Variants in FAM83B observed in about 807,000 individuals in gnomAD.
The protein encoded by FAM83B is scaffolding CK1 anchoring protein B.
Under a neutral mutation model 38.8 loss-of-function variants are expected in FAM83B, and 26 were observed. That is an observed-to-expected ratio of 0.67 (90% CI 0.49 to 0.93). The LOEUF is 0.93. FAM83B is among the 40% of genes least tolerant of loss of function. The probability of loss-of-function intolerance (pLI) is 0.00; values close to 1 mark genes in which losing one functional copy is unlikely to be tolerated. For missense variants in FAM83B, 1,237 were observed against 1,197.3 expected, an observed-to-expected ratio of 1.03 and a Z score of -0.49; for synonymous variants, 419 against 423.1, an observed-to-expected ratio of 0.99 and a Z score of 0.12.
chr6:54,892,711 AT>A (rs1157508852), intron 2 of FAM83B, among the ~76,000 whole-genome samples: 48 of 149,208 alleles, frequency 3.2e-4, no homozygotes, highest in Non-Finnish European at 5.5e-4. Context: ...TATTGTATAT[AT>A]TGTATATATA....
chr6:54,906,097 T>C (rs1772771070), intron 2 of FAM83B, among the ~76,000 whole-genome samples: 1 of 151,574 alleles, frequency 6.6e-6, no homozygotes, highest in Non-Finnish European at 1.5e-5. Context: ...ACATTCTAAA[T>C]GAAGACTCTT....
chr6:54,933,401 G>A (rs1273754517), intron 4 of FAM83B, among the ~76,000 whole-genome samples: 1 of 151,216 alleles, frequency 6.6e-6, no homozygotes, highest in Non-Finnish European at 1.5e-5. Flanking sequence ...TGTTTTTTTT[G>A]TTAGTTTTGT....
At chr6:54,923,215 T>C (rs146369098) in intron 2 of FAM83B, among the ~76,000 whole-genome samples, 61 of 152,204 alleles carry the variant, frequency 4.0e-4, no homozygotes, top group African/African-American at 1.4e-3. Flanking sequence ...ATATATTCAA[T>C]CTTTAACAAT....
chr6:54,902,342 C>G (rs1772677485), intron 2 of FAM83B, among the ~76,000 whole-genome samples: 1 of 152,290 alleles, frequency 6.6e-6, no homozygotes, highest in South Asian at 2.1e-4. Flanking sequence ...CCATGGGCTA[C>G]AGTGCCCAGC....
chr6:54,944,692 A>G lies in FAM83B; in HGVS notation c.*2685A>G, dbSNP rs1773766069. On this transcript the variant is annotated 3_prime_UTR_variant, in exon 5 of 5. Coordinates refer to ENST00000306858, the MANE Select transcript of FAM83B (RefSeq NM_001010872.3). ...CATATTCAAGTATCATTCCACAGAT[A>G]TTCACAGAACACAGAAATATCTGTG... The G allele has an allele frequency of 6.6e-6, 1 of 152,186 alleles. No individual in the cohort carries two copies. The highest frequency in any genetic ancestry group is 2.1e-4 in the South Asian group (1 of 4,832). 9.4% of individuals were successfully genotyped at this position (152,186 alleles called of 1,614,324 possible).
intron 4 of FAM83B, among the ~76,000 whole-genome samples, chr6:54,936,378 T>C (rs2062781): frequency 0.054 from 8,260 of 152,076 alleles, 753 homozygotes; most frequent in African/African-American, 0.19. Flanking sequence ...GTTCTTTCTT[T>C]TTACTACTGG....
chr6:54,863,403 G>A (rs1183132726), intron 1 of FAM83B, among the ~76,000 whole-genome samples: 15 of 152,086 alleles, frequency 9.9e-5, no homozygotes, highest in African/African-American at 3.1e-4. Flanking sequence ...GAAACCCTTC[G>A]GGTCAGTACA....
At chr6:54,873,663 T>C (rs181395749) in intron 2 of FAM83B, among the ~76,000 whole-genome samples, 411 of 151,480 alleles carry the variant, frequency 2.7e-3, no homozygotes, top group Non-Finnish European at 3.6e-3. Context: ...ATAAAGTATT[T>C]GGATAATGTA....
At chr6:54,859,238 T>A (rs1771520393) in intron 1 of FAM83B, among the ~76,000 whole-genome samples, 1 of 152,082 alleles carries the variant, frequency 6.6e-6, no homozygotes, top group African/African-American at 2.4e-5. Context: ...ACTTTTGTAT[T>A]TTTAGTAGAG....
chr6:54,877,591 T>C (rs62412659), intron 2 of FAM83B, among the ~76,000 whole-genome samples: 3,188 of 152,336 alleles, frequency 0.021, 45 homozygotes, highest in Middle Eastern at 0.061. Flanking sequence ...ACATCTGATT[T>C]TGAGTAATGA....
intron 2 of FAM83B, among the ~76,000 whole-genome samples, chr6:54,920,516 A>G (rs893000067): frequency 1.1e-4 from 17 of 151,938 alleles, no homozygotes; most frequent in Non-Finnish European, 2.4e-4. Flanking sequence ...TTAAGTATCT[A>G]GGTCATACAA....
intron 2 of FAM83B, among the ~76,000 whole-genome samples, chr6:54,887,414 T>C (rs1481996870): frequency 6.6e-6 from 1 of 152,204 alleles, no homozygotes; most frequent in Non-Finnish European, 1.5e-5. Flanking sequence ...ACTGGAACTG[T>C]GTATTCCGAG....
chr6:54,855,707 C>T (rs143973969), intron 1 of FAM83B, among the ~76,000 whole-genome samples: 143 of 152,152 alleles, frequency 9.4e-4, no homozygotes, highest in Non-Finnish European at 1.8e-3. Flanking sequence ...TCATTAGATC[C>T]AAAATGTGAT....
chr6:54,846,422 C>G (rs555047061), upstream of FAM83B, among the ~76,000 whole-genome samples: 5 of 152,316 alleles, frequency 3.3e-5, no homozygotes, highest in African/African-American at 4.8e-5. Context: ...TCGCTGTCCT[C>G]CGGGATCGCT....
At chr6:54,926,086 C>A (rs1002442176) in intron 2 of FAM83B, among the ~76,000 whole-genome samples, 1 of 152,128 alleles carries the variant, frequency 6.6e-6, no homozygotes, top group South Asian at 2.1e-4. Context: ...GTCTTGAAAT[C>A]CATGATTTGG....
intron 2 of FAM83B, among the ~76,000 whole-genome samples, chr6:54,906,051 T>C (rs1394841468): frequency 7.6e-6 from 1 of 131,636 alleles, no homozygotes. Flanking sequence ...CACCTACTAT[T>C]CGAAAAAAAA....
At chr6:54,903,839 C>G (rs1772716588) in intron 2 of FAM83B, among the ~76,000 whole-genome samples, 1 of 151,714 alleles carries the variant, frequency 6.6e-6, no homozygotes. Context: ...TCTGTACAGT[C>G]TTACATTTCA....
chr6:54,874,616 GT>G (rs554284110), intron 2 of FAM83B, among the ~76,000 whole-genome samples: 24 of 151,474 alleles, frequency 1.6e-4, no homozygotes, highest in African/African-American at 2.2e-4. Context: ...TTTCATTAAA[GT>G]TTTTTTTTCC....
chr6:54,940,471 CTTAAA>C lies in FAM83B; in HGVS notation c.1502_1506del (p.Leu501Ter), dbSNP rs148485145. On this transcript the variant is annotated frameshift_variant, in exon 5 of 5. Coordinates refer to ENST00000306858, the MANE Select transcript of FAM83B (RefSeq NM_001010872.3). LOFTEE classifies it low-confidence loss of function (END_TRUNC). Reference sequence around the variant, plus strand: ...TACGTAACTGGAGAATTGAATCCTACTTAAATGATCATTCAGAAGCTACACCGGAC... The same window carrying C: ...TACGTAACTGGAGAATTGAATCCTACTGATCATTCAGAAGCTACACCGGAC... 35 of 1,613,950 alleles carry C rather than the reference CTTAAA, an allele frequency of 2.2e-5. No homozygotes were observed. Among genetic ancestry groups the C allele is most frequent in the Non-Finnish European group, 2.5e-5 (29 of 1,180,022 alleles).
Sources: allele counts gnomAD v4.1 joint callset (sites outside exome capture counted in the v4.1 genomes callset), GRCh38; gene constraint gnomAD v4.1.1; transcripts MANE v1.5; gene names NCBI Gene and HGNC (gene_info 2026-07-23, HGNC 2026-07-21).